Variants in IL12RB2 observed in about 807,000 individuals in gnomAD.
IL12RB2 encodes interleukin 12 receptor subunit beta 2.
IL12RB2 carries 82 observed loss-of-function variants against 89.4 expected under a neutral mutation model. That is an observed-to-expected ratio of 0.92 (90% confidence interval 0.77 to 1.10). The LOEUF (loss-of-function observed/expected upper bound fraction) is 1.10. Among genes scored for constraint, IL12RB2 ranks in the 50% least tolerant of loss-of-function variants. IL12RB2 has a pLI of 0.00. For missense variants in IL12RB2, 963 were observed against 1,031.9 expected (o/e 0.93, Z 0.92); for synonymous variants, 368 against 370.1 (o/e 0.99, Z 0.07).
intron 10 of IL12RB2, among the ~76,000 whole-genome samples, chr1:67,354,336 A>G (rs1661157844): frequency 6.6e-6 from 1 of 152,124 alleles, no homozygotes; most frequent in South Asian, 2.1e-4. Flanking sequence ...AACCAGAGAT[A>G]AGGAAGAAGT....
chr1:67,385,934 G>C (rs1390188933), intron 14 of IL12RB2, among the ~76,000 whole-genome samples: 1 of 152,134 alleles, frequency 6.6e-6, no homozygotes, highest in Admixed American at 6.5e-5. Flanking sequence ...GTCCAGGCCG[G>C]GCACGGTGGC....
At chr1:67,327,117 C>A (rs941558176) in intron 5 of IL12RB2, among the ~76,000 whole-genome samples, 1 of 151,738 alleles carries the variant, frequency 6.6e-6, no homozygotes, top group African/African-American at 2.4e-5. Context: ...CCCACCACCA[C>A]GCCCAGCTAA....
intron 9 of IL12RB2, among the ~76,000 whole-genome samples, chr1:67,346,003 C>T (rs943023225): frequency 6.6e-6 from 1 of 152,166 alleles, no homozygotes; most frequent in Non-Finnish European, 1.5e-5. Context: ...ACGGTCACCA[C>T]CAAGAGGTTT....
chr1:67,327,247 C>T (rs1447954371), intron 5 of IL12RB2, among the ~76,000 whole-genome samples: 1 of 152,120 alleles, frequency 6.6e-6, no homozygotes, highest in South Asian at 2.1e-4. Flanking sequence ...GTGTGAGCCA[C>T]GGTGCCCGGC....
At chr1:67,335,071 C>A (rs1262160785) in intron 8 of IL12RB2, among the ~76,000 whole-genome samples, 1 of 152,196 alleles carries the variant, frequency 6.6e-6, no homozygotes, top group African/African-American at 2.4e-5. Flanking sequence ...CTAAGCTCAG[C>A]ACCTATCTTG....
intron 13 of IL12RB2, among the ~76,000 whole-genome samples, chr1:67,376,022 A>G (rs1188031139): frequency 6.6e-6 from 1 of 151,632 alleles, no homozygotes; most frequent in South Asian, 2.1e-4. Context: ...AATTTTTTGT[A>G]TTTTTAGTAG....
intron 11 of IL12RB2, 51 bp downstream of exon 11, chr1:67,368,076 T>C (rs1456360064): frequency 5.8e-6 from 7 of 1,209,040 alleles, no homozygotes; most frequent in African/African-American, 1.5e-5. Flanking sequence ...TCACATTTGT[T>C]TGGGGAAACT....
chr1:67,308,083 C>A (rs1654512823), intron 1 of IL12RB2, 116 bp downstream of exon 1: 1 of 146,052 alleles, frequency 6.8e-6, no homozygotes, highest in Non-Finnish European at 1.5e-5. Flanking sequence ...GCTTCGGCGA[C>A]GGCTTCTCTC....
intron 10 of IL12RB2, among the ~76,000 whole-genome samples, chr1:67,362,958 A>C (rs1348277612): frequency 6.6e-6 from 1 of 151,132 alleles, no homozygotes; most frequent in East Asian, 1.9e-4. Flanking sequence ...GCTGGAGTGC[A>C]GTGGCATGAT....
At chr1:67,345,355 G>A (rs1198589737) in intron 9 of IL12RB2, among the ~76,000 whole-genome samples, 1 of 152,212 alleles carries the variant, frequency 6.6e-6, no homozygotes, top group Non-Finnish European at 1.5e-5. Flanking sequence ...AGACTGTTGT[G>A]AAAGGAACAG....
rs139889778 is a variant in IL12RB2, at chr1:67,313,546, C to T, written c.-124-367C>T. ...TTGGATTAGAAATCAGGAGACTGGCCGGGCACGGTGGCTCATGCCTGTAAT... is the reference window on the plus strand; with the variant it reads ...TTGGATTAGAAATCAGGAGACTGGCTGGGCACGGTGGCTCATGCCTGTAAT... On this transcript the variant is annotated intron_variant, in intron 1 of 16. Transcript: ENST00000674203. 1.9e-3 allele frequency among the ~76,000 whole-genome samples: 287 copies of T among 152,198 alleles called. 2 individuals are homozygous for T. Among genetic ancestry groups the T allele is most frequent in the African/African-American group, 6.5e-3 (269 of 41,532 alleles).
chr1:67,366,659 A>C (rs1256163446), intron 10 of IL12RB2, among the ~76,000 whole-genome samples: 3 of 152,226 alleles, frequency 2.0e-5, no homozygotes, highest in Non-Finnish European at 4.4e-5. Context: ...TTTGTAAAAT[A>C]ATATGTGAAT....
chr1:67,321,839 G>T lies in IL12RB2; in HGVS notation c.314G>T (p.Cys105Phe). 6.2e-7 allele frequency: 1 copy of T among 1,613,732 alleles called. No homozygotes were observed. Among genetic ancestry groups the T allele is most frequent in the Non-Finnish European group, 8.5e-7 (1 of 1,179,640 alleles). Reference protein sequence around the residue: ...GTTLFVCKLACINSDEIQICG... With the variant: ...GTTLFVCKLAFINSDEIQICG... The stretch of plus-strand genomic sequence containing the variant: ...ACCTTGTTTGTCTGCAAACTGGCCT[G>T]TATCAATAGTGATGAAATTCAAATA... Residue 105 changes from cysteine to phenylalanine, a missense_variant, in exon 4 of 17, where the codon TGT becomes TTT. Cys to Phe is a radical substitution (Grantham distance 205, BLOSUM62 -2). Coordinates refer to ENST00000674203, the MANE Select transcript of IL12RB2 (RefSeq NM_001374259.2).
At chr1:67,387,641 T>C (rs373595781) in intron 15 of IL12RB2, among the ~76,000 whole-genome samples, 1 of 145,490 alleles carries the variant, frequency 6.9e-6, no homozygotes, top group Admixed American at 7.2e-5. Flanking sequence ...GAGGTGGAGA[T>C]TGCAGTGAAT....
chr1:67,326,639 T>G, intron 4 of IL12RB2, 96 bp from the exon 5 acceptor site: 2 of 1,525,200 alleles, frequency 1.3e-6, no homozygotes, highest in Non-Finnish European at 1.8e-6. Context: ...GTTTACGGCA[T>G]GTGGGGGACG....
At chr1:67,393,711 G>A (rs1348481712) in intron 16 of IL12RB2, among the ~76,000 whole-genome samples, 2 of 152,192 alleles carry the variant, frequency 1.3e-5, no homozygotes, top group Admixed American at 6.5e-5. Context: ...CCAAGGCAAG[G>A]GAGGGGATGT....
At chr1:67,389,293 C>T (rs756018393) in intron 15 of IL12RB2, among the ~76,000 whole-genome samples, 2 of 150,780 alleles carry the variant, frequency 1.3e-5, no homozygotes, top group Non-Finnish European at 2.9e-5. Flanking sequence ...CACATGGCCA[C>T]ATCTCTTACT....
At chr1:67,356,910 T>C (rs567162130) in intron 10 of IL12RB2, among the ~76,000 whole-genome samples, 1 of 152,082 alleles carries the variant, frequency 6.6e-6, no homozygotes, top group African/African-American at 2.4e-5. Context: ...AAGATTAGAA[T>C]AAATGTAAAA....
At chr1:67,325,244 T>A (rs1056003364) in intron 4 of IL12RB2, among the ~76,000 whole-genome samples, 2 of 152,178 alleles carry the variant, frequency 1.3e-5, no homozygotes, top group African/African-American at 4.8e-5. Context: ...GAGCCTCCAG[T>A]GGTTTTGTGT....
Sources: gnomAD v4.1 joint callset for allele counts (sites outside exome capture counted in the v4.1 genomes callset) on GRCh38, gnomAD v4.1.1 for gene constraint, MANE v1.5 for transcripts, NCBI Gene and HGNC (gene_info 2026-07-23, HGNC 2026-07-21) for gene names.